The following USP32 variants were observed in gnomAD, a reference collection of about 807,000 sequenced individuals.
USP32 encodes ubiquitin specific peptidase 32.
Under a neutral mutation model 204.8 loss-of-function variants are expected in USP32, and 59 were observed. The ratio of observed to expected loss-of-function variants is 0.29; its 90% CI spans 0.23 to 0.36. The LOEUF (loss-of-function observed/expected upper bound fraction) is 0.36. Ranked by LOEUF, USP32 falls within the 10% of genes least tolerant of loss-of-function variation. The pLI is 1.00. For missense variants in USP32, 1,160 were observed against 1,946.4 expected (o/e 0.60, Z 7.60); for synonymous variants, 517 against 678.4 (o/e 0.76, Z 3.70).
intron 11 of USP32, among the ~76,000 whole-genome samples, chr17:60,242,207 C>T (rs1039689810): frequency 2.0e-5 from 3 of 152,108 alleles, no homozygotes; most frequent in Admixed American, 6.6e-5. Flanking sequence ...ACACTAAAGC[C>T]GTGAACTCCT....
chr17:60,392,178 TTCTC>T, upstream of USP32: 1 of 507,762 alleles, frequency 2.0e-6, no homozygotes, highest in Non-Finnish European at 3.5e-6. Context: ...TACTCCGCCC[TTCTC>T]TCTCCTCTCT....
chr17:60,238,632 G>A (rs2085797177), intron 11 of USP32, among the ~76,000 whole-genome samples: 1 of 151,934 alleles, frequency 6.6e-6, no homozygotes, highest in African/African-American at 2.4e-5. Flanking sequence ...GTGAAACCCC[G>A]TCTCTACTAA....
At chr17:60,387,102 G>A (rs537074239) in intron 1 of USP32, among the ~76,000 whole-genome samples, 2 of 152,244 alleles carry the variant, frequency 1.3e-5, no homozygotes, top group South Asian at 2.1e-4. Context: ...AGATAAATAC[G>A]CATCCCAGAA....
chr17:60,307,738 C>T (rs1023358923), intron 2 of USP32, among the ~76,000 whole-genome samples: 3 of 152,102 alleles, frequency 2.0e-5, no homozygotes, highest in African/African-American at 7.2e-5. Context: ...TAGGTGAGGA[C>T]AGGCACTCCT....
At chr17:60,378,152 T>G (rs1008147958) in intron 1 of USP32, among the ~76,000 whole-genome samples, 6 of 151,694 alleles carry the variant, frequency 4.0e-5, no homozygotes, top group Admixed American at 1.3e-4. Flanking sequence ...AATAGACATG[T>G]CTCCAAAAAA....
intron 1 of USP32, among the ~76,000 whole-genome samples, chr17:60,350,278 G>T (rs2088919266): frequency 6.6e-6 from 1 of 151,844 alleles, no homozygotes; most frequent in Admixed American, 6.6e-5. Flanking sequence ...GCCTCTCAAA[G>T]TACTGGGATT....
intron 1 of USP32, among the ~76,000 whole-genome samples, chr17:60,368,827 C>A (rs773643947): frequency 5.5e-4 from 83 of 151,984 alleles, no homozygotes; most frequent in Non-Finnish European, 1.1e-3. Context: ...ATTTCCCAAA[C>A]AACCAAACCA....
intron 3 of USP32, among the ~76,000 whole-genome samples, chr17:60,298,865 G>A (rs548524372): frequency 5.3e-5 from 8 of 152,292 alleles, no homozygotes; most frequent in African/African-American, 1.9e-4. Context: ...GCTCATGTTT[G>A]TAATCCTAGC....
chr17:60,409,559 G>A (rs1397673189), intron 1 of USP32, among the ~76,000 whole-genome samples: 1 of 152,012 alleles, frequency 6.6e-6, no homozygotes, highest in African/African-American at 2.4e-5. Context: ...AAGCTTAGTG[G>A]CTCTGAAACC....
At chr17:60,191,658 C>T (rs1471419164) in intron 28 of USP32, among the ~76,000 whole-genome samples, 2 of 151,260 alleles carry the variant, frequency 1.3e-5, no homozygotes, top group African/African-American at 4.9e-5. Context: ...TACAGGTGCC[C>T]GCCACCATGC....
upstream of USP32, among the ~76,000 whole-genome samples, chr17:60,392,914 G>T (rs1198418083): frequency 6.6e-6 from 1 of 152,026 alleles, no homozygotes; most frequent in East Asian, 1.9e-4. Context: ...GTTTCTCCCC[G>T]AGAAACATGA....
intron 2 of USP32, chr17:60,316,110 G>A: frequency 4.0e-6 from 1 of 250,166 alleles, no homozygotes. Context: ...GGCAAATGAT[G>A]GTTGGCCTTT....
rs1037774478 is a variant in USP32 at position 60,210,927 on chromosome 17, A to G, written c.2424+86T>C. The G allele has an allele frequency of 2.7e-5, 40 of 1,480,558 alleles. No individual in the cohort carries two copies. In the African/African-American group the frequency reaches 5.7e-4, roughly 21 times the overall value. 91.7% of individuals were successfully genotyped at this position (1,480,558 alleles called of 1,614,324 possible). The stretch of plus-strand genomic sequence containing the variant: ...GATCCAAAAACATTTATTAAGTTAA[A>G]AGGCTAAACACAAAAAACAAGCAGA... On this transcript the variant is annotated intron_variant, in intron 21 of 33. Transcript: ENST00000300896.
At chr17:60,217,492 A>C (rs34744213) in intron 16 of USP32, among the ~76,000 whole-genome samples, 5 of 152,084 alleles carry the variant, frequency 3.3e-5, no homozygotes, top group African/African-American at 1.2e-4. Flanking sequence ...ATGGGGTTTC[A>C]CCATGTTGAC....
intron 1 of USP32, among the ~76,000 whole-genome samples, chr17:60,404,563 G>A (rs1460666616): frequency 6.6e-6 from 1 of 152,052 alleles, no homozygotes; most frequent in Non-Finnish European, 1.5e-5. Context: ...AGGAGATTTG[G>A]CATAATGAGA....
chr17:60,206,623 T>C (rs1445744899), intron 25 of USP32, among the ~76,000 whole-genome samples: 2 of 151,168 alleles, frequency 1.3e-5, no homozygotes, highest in Admixed American at 6.6e-5. Flanking sequence ...ATATAAAGAA[T>C]AGACAAAGCA....
chr17:60,192,694 G>A, intron 28 of USP32, 150 bp downstream of exon 28: 2 of 942,770 alleles, frequency 2.1e-6, no homozygotes, highest in Middle Eastern at 5.8e-4. Context: ...CAAAGTGATG[G>A]GAATACAGGC....
intron 1 of USP32, among the ~76,000 whole-genome samples, chr17:60,368,658 A>G (rs1035646260): frequency 1.3e-5 from 2 of 152,228 alleles, no homozygotes; most frequent in African/African-American, 4.8e-5. Flanking sequence ...ATCAAAAAAT[A>G]GTAAACATAA....
chr17:60,407,958 C>T (rs144627198), intron 1 of USP32, among the ~76,000 whole-genome samples: 285 of 151,402 alleles, frequency 1.9e-3, no homozygotes, highest in Non-Finnish European at 3.2e-3. Context: ...ATCAGCTGGG[C>T]GTGGGGGTGA....
Sources: gnomAD v4.1 joint callset for allele counts (sites outside exome capture counted in the v4.1 genomes callset) on GRCh38, gnomAD v4.1.1 for gene constraint, MANE v1.5 for transcripts, NCBI Gene and HGNC (gene_info 2026-07-23, HGNC 2026-07-21) for gene names.